NKAIN2: variants seen among roughly 807,000 people sequenced by gnomAD.
The protein encoded by NKAIN2 is sodium/potassium transporting ATPase interacting 2.
Under a neutral mutation model 32.6 loss-of-function variants are expected in NKAIN2, and 14 were observed. That is an observed-to-expected ratio of 0.43 (90% confidence interval 0.28 to 0.67). NKAIN2 has a LOEUF of 0.67. Among genes scored for constraint, NKAIN2 ranks in the 30% least tolerant of loss-of-function variants. The pLI, the probability that NKAIN2 is intolerant of heterozygous loss-of-function variation, is 0.17. For synonymous variants in NKAIN2, 80 were observed against 87.2 expected (o/e 0.92, Z 0.46); for missense variants, 198 against 258.3 (o/e 0.77, Z 1.60).
intron 2 of NKAIN2, among the ~76,000 whole-genome samples, chr6:124,321,889 T>G (rs1200593897): frequency 1.3e-5 from 2 of 152,158 alleles, no homozygotes; most frequent in Non-Finnish European, 2.9e-5. Context: ...ACTTAATATT[T>G]TAACAACTAT....
At chr6:124,508,949 C>T (rs560918219) in intron 3 of NKAIN2, among the ~76,000 whole-genome samples, 4 of 152,096 alleles carry the variant, frequency 2.6e-5, no homozygotes, top group Admixed American at 6.6e-5. Flanking sequence ...ATTAAGGGTC[C>T]GTCCTGTTCC....
At chr6:123,852,510 T>C (rs773062777) in intron 1 of NKAIN2, among the ~76,000 whole-genome samples, 1 of 152,198 alleles carries the variant, frequency 6.6e-6, no homozygotes, top group Non-Finnish European at 1.5e-5. Context: ...TAACTGAGTA[T>C]ATATTCAAAG....
At chr6:124,118,864 T>C (rs1785744071) in intron 1 of NKAIN2, among the ~76,000 whole-genome samples, 1 of 152,152 alleles carries the variant, frequency 6.6e-6, no homozygotes, top group Non-Finnish European at 1.5e-5. Flanking sequence ...ATTCTGCCTT[T>C]GTAGCATGAA....
At chr6:124,750,795 A>G (rs1389204976) in intron 4 of NKAIN2, among the ~76,000 whole-genome samples, 3 of 151,994 alleles carry the variant, frequency 2.0e-5, no homozygotes, top group Non-Finnish European at 4.4e-5. Flanking sequence ...TGCATTCTAT[A>G]CATTGTGACC....
intron 1 of NKAIN2, among the ~76,000 whole-genome samples, chr6:124,124,633 A>T (rs541787006): frequency 6.6e-6 from 1 of 152,302 alleles, no homozygotes; most frequent in Admixed American, 6.5e-5. Context: ...TCACTTTGTG[A>T]ACCATAGCAG....
intron 1 of NKAIN2, among the ~76,000 whole-genome samples, chr6:123,989,060 G>A (rs544790980): frequency 1.3e-5 from 2 of 152,148 alleles, no homozygotes; most frequent in South Asian, 2.1e-4. Context: ...TAATATAAAA[G>A]GGCCATTATG....
intron 4 of NKAIN2, among the ~76,000 whole-genome samples, chr6:124,753,143 T>G (rs1236323011): frequency 6.6e-6 from 1 of 152,096 alleles, no homozygotes; most frequent in African/African-American, 2.4e-5. Context: ...TTAGAGATCT[T>G]TTTCATATGA....
At chr6:124,588,224 CTGAT>C (rs1781780469) in intron 3 of NKAIN2, among the ~76,000 whole-genome samples, 1 of 152,116 alleles carries the variant, frequency 6.6e-6, no homozygotes, top group Non-Finnish European at 1.5e-5. Context: ...AATATTACTT[CTGAT>C]TGATATGACG....
At chr6:124,820,314 C>T (rs529836654) in intron 6 of NKAIN2, among the ~76,000 whole-genome samples, 20 of 152,130 alleles carry the variant, frequency 1.3e-4, no homozygotes, top group Non-Finnish European at 2.2e-4. Flanking sequence ...TCCCTCCGAC[C>T]GTGGGCATGT....
At position 124,502,786 on chromosome 6, in the gene NKAIN2, G is replaced by T. The variant is rs1778343579; in HGVS notation, c.273+147439G>T. Among the ~76,000 whole-genome samples, 3 of 152,180 alleles carry T rather than the reference G, an allele frequency of 2.0e-5. No individual in the cohort carries two copies. In the South Asian group the frequency reaches 6.2e-4, roughly 32 times the overall value. ...AGAATCACAGACTTTAGGCTTGTGT[G>T]TACTGGGGCTACTTATGGACTTTAT... On this transcript the variant is annotated intron_variant, in intron 3 of 6. Transcript: ENST00000368417.
At chr6:123,939,602 T>A (rs1373514965) in intron 1 of NKAIN2, among the ~76,000 whole-genome samples, 1 of 152,020 alleles carries the variant, frequency 6.6e-6, no homozygotes, top group Non-Finnish European at 1.5e-5. Flanking sequence ...TCTGATATTT[T>A]CTATCATATT....
chr6:124,523,266 A>G (rs1779191030), intron 3 of NKAIN2, among the ~76,000 whole-genome samples: 1 of 152,080 alleles, frequency 6.6e-6, no homozygotes, highest in African/African-American at 2.4e-5. Context: ...TTATGTTCAT[A>G]TGTTTTACCT....
chr6:124,593,789 C>T (rs544136299), intron 3 of NKAIN2, among the ~76,000 whole-genome samples: 2 of 152,210 alleles, frequency 1.3e-5, no homozygotes, highest in South Asian at 4.2e-4. Context: ...GGATTTAAAA[C>T]ATATTATGGA....
intron 3 of NKAIN2, among the ~76,000 whole-genome samples, chr6:124,420,904 T>A: frequency 6.6e-6 from 1 of 151,984 alleles, no homozygotes; most frequent in East Asian, 1.9e-4. Context: ...TTTGTTGTTA[T>A]GAGTAGAATT....
chr6:124,199,041 C>T (rs1790473903), intron 1 of NKAIN2, among the ~76,000 whole-genome samples: 1 of 152,106 alleles, frequency 6.6e-6, no homozygotes, highest in African/African-American at 2.4e-5. Context: ...TTTGAAGCAA[C>T]ATTCCTTTAT....
intron 1 of NKAIN2, among the ~76,000 whole-genome samples, chr6:123,924,228 T>C (rs1323405181): frequency 6.6e-6 from 1 of 152,230 alleles, no homozygotes; most frequent in Non-Finnish European, 1.5e-5. Context: ...ACAACTCACC[T>C]AGTAAAATTC....
chr6:124,407,542 T>G (rs1773921708), intron 3 of NKAIN2, among the ~76,000 whole-genome samples: 1 of 152,162 alleles, frequency 6.6e-6, no homozygotes, highest in African/African-American at 2.4e-5. Flanking sequence ...TTTTTATGGC[T>G]TCATAGTATT....
chr6:124,375,884 G>T (rs962412734), intron 3 of NKAIN2, among the ~76,000 whole-genome samples: 1 of 152,076 alleles, frequency 6.6e-6, no homozygotes, highest in Admixed American at 6.6e-5. Context: ...ATCAAGTACT[G>T]CTTTAATGTT....
At chr6:124,023,185 A>T (rs2114765320) in intron 1 of NKAIN2, among the ~76,000 whole-genome samples, 1 of 151,688 alleles carries the variant, frequency 6.6e-6, no homozygotes, top group Admixed American at 6.6e-5. Context: ...AAGGATTGAT[A>T]CAGAAAAAAC....
Sources: gnomAD v4.1 joint callset for allele counts (sites outside exome capture counted in the v4.1 genomes callset) on GRCh38, gnomAD v4.1.1 for gene constraint, MANE v1.5 for transcripts, NCBI Gene and HGNC (gene_info 2026-07-23, HGNC 2026-07-21) for gene names.